Variants in MAP3K13 observed in about 807,000 individuals in gnomAD.
The protein encoded by MAP3K13 is leucine zipper-bearing kinase.
Under a neutral mutation model 104.0 loss-of-function variants are expected in MAP3K13, and 52 were observed. That is an observed-to-expected ratio of 0.50 (90% CI 0.40 to 0.63). The LOEUF (loss-of-function observed/expected upper bound fraction) is 0.63. MAP3K13 is among the 20% of genes least tolerant of loss of function. The pLI is 0.00. For synonymous variants in MAP3K13, 394 were observed against 442.2 expected, an observed-to-expected ratio of 0.89 and a Z score of 1.37; for missense variants, 914 against 1,218.5, an observed-to-expected ratio of 0.75 and a Z score of 3.72.
At position 185,290,618 on chromosome 3, in the gene MAP3K13, TC is replaced by T. The variant is rs545683249; in HGVS notation, c.-86+4977del. Among the ~76,000 whole-genome samples the T allele has an allele frequency of 3.4e-4, 52 of 152,310 alleles. No homozygotes were observed. The South Asian group carries it at 0.011, about 32-fold the overall frequency. On this transcript the variant is annotated intron_variant, in intron 2 of 14. Transcript: ENST00000424227. ...TGGAGCCAGAGAGCCCAAGTTTGAA[TC>T]CTGTCTCTACTATTTACCAGCTCGG... is the stretch of plus-strand genomic sequence containing the variant.
intron 2 of MAP3K13, among the ~76,000 whole-genome samples, chr3:185,313,820 A>G (rs1049976022): frequency 6.6e-6 from 1 of 152,158 alleles, no homozygotes; most frequent in Non-Finnish European, 1.5e-5. Context: ...TAACCCAGAA[A>G]CTGGCTACCT....
At chr3:185,405,635 G>A (rs1281541843) in intron 1 of MAP3K13, among the ~76,000 whole-genome samples, 3 of 152,192 alleles carry the variant, frequency 2.0e-5, no homozygotes, top group Non-Finnish European at 2.9e-5. Flanking sequence ...CTTCACTGGT[G>A]TAACTCTGAT....
chr3:185,417,888 C>T (rs1577532676), intron 1 of MAP3K13: 1 of 1,604,442 alleles, frequency 6.2e-7, no homozygotes, highest in South Asian at 1.1e-5. Flanking sequence ...CTCTTTGGAT[C>T]TCTGGGCTTT....
In MAP3K13 at chr3:185,436,801, G is replaced by A. The variant is rs556400220; in HGVS notation, c.476-646G>A. The stretch of plus-strand genomic sequence containing the variant: ...GTGGATCACCTGAGGTCAGGAGTTC[G>A]AGACCAGTCTGACCAACATGGTGAA... On this transcript the variant is annotated intron_variant, in intron 2 of 13. Coordinates refer to ENST00000265026, the MANE Select transcript of MAP3K13 (RefSeq NM_004721.5). 9.2e-5 allele frequency among the ~76,000 whole-genome samples: 14 copies of A among 151,942 alleles called. No individual in the cohort carries two copies. In the East Asian group the frequency reaches 1.9e-3, roughly 21 times the overall value.
chr3:185,330,771 G>T (rs1414265383), intron 2 of MAP3K13, among the ~76,000 whole-genome samples: 1 of 152,172 alleles, frequency 6.6e-6, no homozygotes, highest in African/African-American at 2.4e-5. Context: ...ATACCATCCA[G>T]ACCACTGCTC....
intron 1 of MAP3K13, among the ~76,000 whole-genome samples, chr3:185,366,296 C>T (rs967197720): frequency 2.6e-5 from 4 of 152,032 alleles, no homozygotes; most frequent in African/African-American, 9.7e-5. Context: ...TTTTTATTCC[C>T]AAGAAATATT....
intron 2 of MAP3K13, among the ~76,000 whole-genome samples, chr3:185,326,522 T>A (rs1483247468): frequency 1.3e-5 from 2 of 152,100 alleles, no homozygotes; most frequent in Non-Finnish European, 2.9e-5. Flanking sequence ...CAGGCACAGG[T>A]CCAACTACTT....
Position 185,443,585 on chromosome 3 carries a change from T to A in MAP3K13, c.800T>A (p.Met267Lys). Reference sequence around the variant, plus strand: ...TGGTCCACAGGAATTGCAAGTGGAATGAATTATTTGCACCTCCATAAAATT... The same window carrying A: ...TGGTCCACAGGAATTGCAAGTGGAAAGAATTATTTGCACCTCCATAAAATT... ...VDWSTGIASG[M>K]NYLHLHKIIH... The change falls in exon 4 of 14, where the codon ATG (methionine) becomes AAG (lysine). Residue 267 changes from methionine to lysine, a missense_variant. Coordinates refer to ENST00000265026, the MANE Select transcript of MAP3K13 (RefSeq NM_004721.5). 1 of 1,614,162 alleles carries A rather than the reference T, an allele frequency of 6.2e-7. No homozygotes were observed. Among genetic ancestry groups the A allele is most frequent in the Non-Finnish European group, 8.5e-7 (1 of 1,180,000 alleles).
At chr3:185,427,328 T>C (rs996991246) in intron 1 of MAP3K13, among the ~76,000 whole-genome samples, 1 of 151,858 alleles carries the variant, frequency 6.6e-6, no homozygotes, top group Non-Finnish European at 1.5e-5. Context: ...CACACCACTG[T>C]ACTCCAGTCT....
At chr3:185,480,150 C>A in intron 12 of MAP3K13, 82 bp from the exon 13 acceptor site, 1 of 1,344,282 alleles carries the variant, frequency 7.4e-7, no homozygotes, top group Non-Finnish European at 1.0e-6. Flanking sequence ...TAGATTATCT[C>A]TACCACTACT....
At chr3:185,455,414 GAT>G (rs1256487903) in intron 7 of MAP3K13, among the ~76,000 whole-genome samples, 2 of 49,220 alleles carry the variant, frequency 4.1e-5, no homozygotes, top group East Asian at 5.2e-4. Context: ...ATATATATGA[GAT>G]ATATATGATA....
chr3:185,466,708 C>A, intron 9 of MAP3K13, 118 bp from the exon 10 acceptor site: 1 of 1,212,972 alleles, frequency 8.2e-7, no homozygotes, highest in Non-Finnish European at 1.2e-6. Context: ...GAATAGCAGT[C>A]TTGTTATTCA....
Position 185,428,903 on chromosome 3 carries a change from G to A in MAP3K13, c.322G>A (p.Glu108Lys). 6.2e-7 allele frequency: 1 copy of A among 1,614,198 alleles called. No individual in the cohort carries two copies. The highest frequency in any genetic ancestry group is 1.1e-5 in the South Asian group (1 of 91,074). Residue 108 changes from glutamate (E) to lysine (K), a missense_variant, in exon 2 of 14, where the codon GAG becomes AAG. By Grantham distance (56) the Glu-to-Lys change is moderately conservative. Coordinates refer to ENST00000265026, the MANE Select transcript of MAP3K13 (RefSeq NM_004721.5). Reference protein sequence around the residue: ...SQGNSNTVDGESTSGTEDIKI... With the variant: ...SQGNSNTVDGKSTSGTEDIKI... ...GGGGAACAGCAACACGGTGGACGGAGAGAGCACAAGCGGAACTGAAGACAT... is the reference window on the plus strand; with the variant it reads ...GGGGAACAGCAACACGGTGGACGGAAAGAGCACAAGCGGAACTGAAGACAT...
In MAP3K13 at chr3:185,315,792, A is replaced by G. The variant is rs1721650553; in HGVS notation, c.-86+30149A>G. Among the ~76,000 whole-genome samples the G allele has an allele frequency of 1.3e-5, 2 of 152,232 alleles. No homozygotes were observed. Among genetic ancestry groups the G allele is most frequent in the Non-Finnish European group, 2.9e-5 (2 of 68,028 alleles). On this transcript the variant is annotated intron_variant, in intron 2 of 14. Transcript: ENST00000424227. This position sits in a 1 kb window ranked among gnomAD's most constrained non-coding sequence, Gnocchi z 4.3. ...CTCACAGGGTTGTGAGGATTAAATTATCAAGTGTTCAGAACAGTGGATTAA... is the reference window on the plus strand; with the variant it reads ...CTCACAGGGTTGTGAGGATTAAATTGTCAAGTGTTCAGAACAGTGGATTAA...
chr3:185,310,107 A>G (rs2108685863), intron 2 of MAP3K13, among the ~76,000 whole-genome samples: 1 of 152,316 alleles, frequency 6.6e-6, no homozygotes. Flanking sequence ...AACACTGAGT[A>G]AAATCCCTTG....
Position 185,428,801 on chromosome 3 carries a change from G to A in MAP3K13, c.220G>A (p.Glu74Lys), listed in dbSNP as rs1020998762. 9.3e-6 allele frequency: 15 copies of A among 1,614,124 alleles called. No homozygotes were observed. The highest frequency in any genetic ancestry group is 1.2e-5 in the Non-Finnish European group (14 of 1,180,014). The change falls in exon 2 of 14, where the codon GAG becomes AAG. Residue 74 changes from glutamate to lysine, a missense_variant. Transcript: ENST00000265026. The part of the protein sequence containing the change: ...VTTTVLTSVS[E>K]DSRDQFENSV... ...CACAACAGTGTTGACGAGCGTAAGT[G>A]AGGATTCCAGGGACCAGTTTGAGAA...
chr3:185,426,463 A>G (rs1260517995), intron 1 of MAP3K13, among the ~76,000 whole-genome samples: 1 of 152,252 alleles, frequency 6.6e-6, no homozygotes, highest in Non-Finnish European at 1.5e-5. Flanking sequence ...TTTAGGTCTC[A>G]GTTATGAAGA....
rs1560117734 is a variant in MAP3K13, at chr3:185,454,872, G to GATATATATC, written c.1278+3485_1278+3486insCATATATAT. 4.9e-4 allele frequency among the ~76,000 whole-genome samples: 13 copies of GATATATATC among 26,408 alleles called. 1 individual carries two copies. Among genetic ancestry groups the GATATATATC allele is most frequent in the Non-Finnish European group, 6.3e-4 (8 of 12,674 alleles). 17.3% of individuals were successfully genotyped at this position (26,408 alleles called of 152,430 possible). On this transcript the variant is annotated intron_variant, in intron 7 of 13. Transcript: ENST00000265026. ...AGATATATACATGATATATATATGA[G>GATATATATC]ATATATATATGATATATATATGAGA... is the stretch of plus-strand genomic sequence containing the variant.
At chr3:185,381,210 C>T (rs775247291) in intron 1 of MAP3K13, among the ~76,000 whole-genome samples, 5 of 152,152 alleles carry the variant, frequency 3.3e-5, no homozygotes, top group Non-Finnish European at 7.3e-5. Context: ...GATGCACCCA[C>T]CTCGGCCTCC....
Sources: allele counts gnomAD v4.1 joint callset (sites outside exome capture counted in the v4.1 genomes callset), GRCh38; gene constraint gnomAD v4.1.1; non-coding constraint Gnocchi (gnomAD v3.1); transcripts MANE v1.5; gene names NCBI Gene and HGNC (gene_info 2026-07-23, HGNC 2026-07-21).